The following WWP2 variants were observed in gnomAD, a reference collection of about 807,000 sequenced individuals.
WWP2 encodes the protein NEDD4-like E3 ubiquitin-protein ligase WWP2.
Under a neutral mutation model 121.0 loss-of-function variants are expected in WWP2, and 57 were observed. That is an observed-to-expected ratio of 0.47 (90% CI 0.38 to 0.59). The LOEUF is 0.59. Ranked by LOEUF, WWP2 falls within the 20% of genes least tolerant of loss-of-function variation. The pLI, the probability that WWP2 is intolerant of heterozygous loss-of-function variation, is 0.00. For synonymous variants in WWP2, 449 were observed against 441.3 expected (o/e 1.02, Z -0.22); for missense variants, 962 against 1,158.9 (o/e 0.83, Z 2.47).
chr16:69,825,027 T>G (rs2056660287), intron 4 of WWP2, among the ~76,000 whole-genome samples: 2 of 152,062 alleles, frequency 1.3e-5, no homozygotes, highest in South Asian at 4.2e-4. Context: ...CACCTCAGGC[T>G]CTGGGATTAC....
chr16:69,766,702 C>T (rs2038738286), intron 1 of WWP2, among the ~76,000 whole-genome samples: 1 of 152,138 alleles, frequency 6.6e-6, no homozygotes, highest in African/African-American at 2.4e-5. Context: ...TCCCTCACTT[C>T]CTCAGATCTT....
chr16:69,850,386 C>A (rs1208857159), intron 6 of WWP2, among the ~76,000 whole-genome samples: 232 of 118,366 alleles, frequency 2.0e-3, no homozygotes, highest in Admixed American at 2.2e-3. Context: ...GACTCCATCT[C>A]AAAAAAAAAA....
chr16:69,931,950 A>G (rs775754649), intron 16 of WWP2, 60 bp downstream of exon 16: 424 of 1,498,452 alleles, frequency 2.8e-4, no homozygotes, highest in East Asian at 1.8e-4. Context: ...TACAGCATCA[A>G]TGGCCAGAAA....
intron 1 of WWP2, among the ~76,000 whole-genome samples, chr16:69,774,149 C>G (rs1181143728): frequency 6.6e-6 from 1 of 152,172 alleles, no homozygotes; most frequent in Admixed American, 6.5e-5. Flanking sequence ...TAACCTAACT[C>G]TACACATTCA....
Position 69,937,556 on chromosome 16 carries a change from G to A in WWP2, c.2247G>A (p.Leu749=), listed in dbSNP as rs2058818369. 1.2e-6 allele frequency: 2 copies of A among 1,614,030 alleles called. No individual in the cohort carries two copies. Among genetic ancestry groups the A allele is most frequent in the South Asian group, 2.2e-5 (2 of 91,078 alleles). ...YFDEKELELM[L]CGMQEIDMSD... ...CTGCCGCCTCTCCCCAGCTGATGCTGTGCGGCATGCAGGAGATAGACATGA... is the reference window on the plus strand; with the variant it reads ...CTGCCGCCTCTCCCCAGCTGATGCTATGCGGCATGCAGGAGATAGACATGA... Residue 749 remains leucine, a synonymous_variant, in exon 21 of 24, where the codon CTG becomes CTA. Coordinates refer to ENST00000359154, the MANE Select transcript of WWP2 (RefSeq NM_001270454.2). This position sits in a 1 kb window ranked among gnomAD's most constrained non-coding sequence, Gnocchi z 6.6.
At chr16:69,818,884 C>G (rs1319836158) in intron 4 of WWP2, among the ~76,000 whole-genome samples, 1 of 152,122 alleles carries the variant, frequency 6.6e-6, no homozygotes, top group Non-Finnish European at 1.5e-5. Context: ...TAAATTTGGC[C>G]TATATGCCCA....
chr16:69,879,945 C>T (rs1050025410), intron 7 of WWP2, among the ~76,000 whole-genome samples: 2 of 151,358 alleles, frequency 1.3e-5, no homozygotes, highest in Non-Finnish European at 2.9e-5. Context: ...TGTATAATTT[C>T]GGTTTTTGCG....
intron 6 of WWP2, among the ~76,000 whole-genome samples, chr16:69,849,151 G>T (rs2057149734): frequency 6.6e-6 from 1 of 152,198 alleles, no homozygotes. Context: ...AACTCAGGCG[G>T]GTGTGAGTCC....
intron 1 of WWP2, among the ~76,000 whole-genome samples, chr16:69,782,598 G>T (rs1250166846): frequency 6.6e-6 from 1 of 152,144 alleles, no homozygotes; most frequent in African/African-American, 2.4e-5. Flanking sequence ...AGAAGAGTTT[G>T]GTGTTGTATT....
chr16:69,839,095 C>G (rs2056928412), intron 4 of WWP2, among the ~76,000 whole-genome samples: 1 of 126,750 alleles, frequency 7.9e-6, no homozygotes, highest in African/African-American at 3.0e-5. Flanking sequence ...TTCTAGAAGA[C>G]AGGTAAGATA....
At chr16:69,798,889 G>T in intron 3 of WWP2, 60 bp downstream of exon 3, 2 of 1,595,332 alleles carry the variant, frequency 1.3e-6, no homozygotes, top group Admixed American at 3.4e-5. Context: ...AGGGTGCTCC[G>T]AGGGGGTTGT....
At chr16:69,879,135 C>T (rs1255073751) in intron 7 of WWP2, among the ~76,000 whole-genome samples, 2 of 151,794 alleles carry the variant, frequency 1.3e-5, no homozygotes, top group African/African-American at 2.4e-5. Flanking sequence ...TTTGTCCTTC[C>T]GAGATTTAGA....
rs2056990235 is a variant in WWP2 at position 69,842,130 on chromosome 16, C to G, written c.575+10C>G. 1.2e-5 allele frequency: 20 copies of G among 1,610,658 alleles called. No homozygotes were observed. Among genetic ancestry groups the G allele is most frequent in the Non-Finnish European group, 1.6e-5 (19 of 1,178,338 alleles). On this transcript the variant is annotated intron_variant, in intron 6 of 23. Transcript: ENST00000359154. Reference sequence around the variant, plus strand: ...TTGGTGGAAGATCCCGGTAAGACCCCCCTTGGTGAGGACAAAGAGCTAAGA... The same window carrying G: ...TTGGTGGAAGATCCCGGTAAGACCCGCCTTGGTGAGGACAAAGAGCTAAGA...
chr16:69,904,486 A>G (rs1481897222), intron 8 of WWP2, among the ~76,000 whole-genome samples: 3 of 151,294 alleles, frequency 2.0e-5, no homozygotes, highest in Admixed American at 6.6e-5. Flanking sequence ...CTCCTGCCTC[A>G]GTCTCCTGAG....
intron 9 of WWP2, chr16:69,909,538 T>C (rs1318174807): frequency 5.1e-6 from 5 of 985,336 alleles, no homozygotes; most frequent in Non-Finnish European, 6.0e-6. Flanking sequence ...TCTCCATGGA[T>C]GGGCTGCTTT....
intron 2 of WWP2, among the ~76,000 whole-genome samples, chr16:69,797,940 A>G (rs528762262): frequency 7.0e-4 from 107 of 151,822 alleles, no homozygotes; most frequent in Non-Finnish European, 1.3e-3. Context: ...CTGGTCTTGA[A>G]CTCCTGGGCT....
At chr16:69,883,938 C>T (rs990806026) in intron 7 of WWP2, among the ~76,000 whole-genome samples, 2 of 152,126 alleles carry the variant, frequency 1.3e-5, no homozygotes, top group Admixed American at 6.5e-5. Flanking sequence ...TTGTTCTTTT[C>T]GTGGTCAGCT....
At chr16:69,895,458 C>G (rs2058091857) in intron 8 of WWP2, among the ~76,000 whole-genome samples, 1 of 152,226 alleles carries the variant, frequency 6.6e-6, no homozygotes, top group African/African-American at 2.4e-5. Flanking sequence ...GATATTACAG[C>G]AATGTCAGAT....
chr16:69,786,158 T>C (rs977204831), intron 1 of WWP2: 1 of 151,172 alleles, frequency 6.6e-6, no homozygotes, highest in Non-Finnish European at 1.5e-5. Flanking sequence ...TTTTCTTCTT[T>C]TTTTGAGACA....
Sources: gnomAD v4.1 joint callset for allele counts (sites outside exome capture counted in the v4.1 genomes callset) on GRCh38, gnomAD v4.1.1 for gene constraint, Gnocchi (gnomAD v3.1) non-coding constraint, MANE v1.5 for transcripts, NCBI Gene and HGNC (gene_info 2026-07-23, HGNC 2026-07-21) for gene names.